AGBL1: variants seen among roughly 807,000 people sequenced by gnomAD.
AGBL1 encodes cytosolic carboxypeptidase 4.
Under a neutral mutation model 118.9 loss-of-function variants are expected in AGBL1, and 130 were observed. That is an observed-to-expected ratio of 1.09 (90% confidence interval 0.95 to 1.26). The LOEUF (loss-of-function observed/expected upper bound fraction) is 1.26. Ranked by LOEUF, AGBL1 falls within the 50% of genes most tolerant of loss-of-function variation. AGBL1 has a pLI of 0.00. For synonymous variants in AGBL1, 555 were observed against 478.9 expected (o/e 1.16, Z -2.08); for missense variants, 1,584 against 1,298.1 (o/e 1.22, Z -3.38).
chr15:86,750,845 G>A (rs965415684), intron 22 of AGBL1, among the ~76,000 whole-genome samples: 1 of 151,904 alleles, frequency 6.6e-6, no homozygotes, highest in African/African-American at 2.4e-5. Flanking sequence ...ATATGTTCAT[G>A]TGTTCTCATC....
intron 22 of AGBL1, among the ~76,000 whole-genome samples, chr15:86,767,712 A>T (rs1389624673): frequency 6.6e-6 from 1 of 151,998 alleles, no homozygotes; most frequent in Non-Finnish European, 1.5e-5. Context: ...TTTTTCTAAG[A>T]TCACACAGTT....
chr15:86,532,617 G>C lies in AGBL1; in HGVS notation c.2685+9678G>C, dbSNP rs370346494. 2.2e-4 allele frequency among the ~76,000 whole-genome samples: 32 copies of C among 147,372 alleles called. No individual in the cohort carries two copies. The East Asian group carries it at 5.7e-3, about 26-fold the overall frequency. On this transcript the variant is annotated intron_variant, in intron 19 of 22. Transcript: ENST00000614907. The stretch of plus-strand genomic sequence containing the variant: ...CAGAATTGGAAAAAACTACTTTAAA[G>C]TTCATATGGAACCAAAAAAGAGCCC...
At chr15:86,091,621 C>T (rs1223865849) in intron 1 of AGBL1, among the ~76,000 whole-genome samples, 2 of 152,094 alleles carry the variant, frequency 1.3e-5, no homozygotes, top group Admixed American at 6.6e-5. Flanking sequence ...GACACTTTTC[C>T]CAGATAGATA....
intron 5 of AGBL1, among the ~76,000 whole-genome samples, chr15:86,216,007 T>G (rs1190341367): frequency 1.3e-5 from 2 of 152,244 alleles, no homozygotes; most frequent in African/African-American, 2.4e-5. Context: ...GTACTCTTTT[T>G]GCTGCTAAGA....
intron 22 of AGBL1, among the ~76,000 whole-genome samples, chr15:86,690,627 GA>G (rs2086147844): frequency 6.6e-6 from 1 of 152,184 alleles, no homozygotes; most frequent in Non-Finnish European, 1.5e-5. Context: ...TGACAAAGGA[GA>G]GTAGGTTTTT....
intron 18 of AGBL1, among the ~76,000 whole-genome samples, chr15:86,410,667 T>C (rs1596080056): frequency 6.6e-6 from 1 of 150,696 alleles, no homozygotes; most frequent in East Asian, 2.0e-4. Flanking sequence ...ATCTATGTTC[T>C]TCTCAATGGT....
At chr15:86,421,353 C>G (rs1239939503) in intron 18 of AGBL1, among the ~76,000 whole-genome samples, 1 of 152,110 alleles carries the variant, frequency 6.6e-6, no homozygotes, top group African/African-American at 2.4e-5. Context: ...TCCAGCCAAA[C>G]TAAGATTCAT....
At chr15:86,468,015 T>C (rs1206769520) in intron 18 of AGBL1, among the ~76,000 whole-genome samples, 1 of 152,134 alleles carries the variant, frequency 6.6e-6, no homozygotes, top group Non-Finnish European at 1.5e-5. Flanking sequence ...ACTAGCATGT[T>C]TCTGCCCATT....
At chr15:86,869,861 T>G (rs1255355113) in intron 22 of AGBL1, among the ~76,000 whole-genome samples, 1 of 152,124 alleles carries the variant, frequency 6.6e-6, no homozygotes, top group Non-Finnish European at 1.5e-5. Flanking sequence ...TAAATTGAAT[T>G]CTCATTTTCC....
chr15:86,467,809 C>A lies in AGBL1; in HGVS notation c.2556-55001C>A, dbSNP rs147147975. 2.0e-3 allele frequency among the ~76,000 whole-genome samples: 297 copies of A among 152,278 alleles called. 2 individuals carry two copies. Among genetic ancestry groups the A allele is most frequent in the African/African-American group, 6.9e-3 (286 of 41,562 alleles). On this transcript the variant is annotated intron_variant, in intron 18 of 22. Transcript: ENST00000614907. ...CACCCTGCTTCTGCTCCATGGGTTG[C>A]ACCCACTGTCTAACCAGTTCCAGTG... is the stretch of plus-strand genomic sequence containing the variant.
intron 24 of AGBL1, among the ~76,000 whole-genome samples, chr15:86,997,088 T>G (rs192437329): frequency 1.2e-3 from 179 of 152,298 alleles, no homozygotes; most frequent in Middle Eastern, 6.8e-3. Flanking sequence ...TGTTTTGATC[T>G]GTATTTGTCC....
At chr15:86,808,540 T>C (rs942476357) in intron 22 of AGBL1, among the ~76,000 whole-genome samples, 4 of 152,016 alleles carry the variant, frequency 2.6e-5, no homozygotes, top group African/African-American at 9.7e-5. Context: ...GTTTTATAAA[T>C]TTTCTCTCCT....
At chr15:86,888,362 GAA>G (rs11290498) in intron 22 of AGBL1, among the ~76,000 whole-genome samples, 43 of 127,192 alleles carry the variant, frequency 3.4e-4, no homozygotes, top group Admixed American at 2.2e-3. Flanking sequence ...CTCTTCAAAA[GAA>G]AAAAAAAAAA....
chr15:86,617,347 A>C lies in AGBL1; in HGVS notation c.2995-56926A>C, dbSNP rs375278255. Reference sequence around the variant, plus strand: ...TTCTGCTGTAAGGACTAGACACATGAGATTGGAAAGAACTGCCCAAACTGG... The same window carrying C: ...TTCTGCTGTAAGGACTAGACACATGCGATTGGAAAGAACTGCCCAAACTGG... On this transcript the variant is annotated intron_variant, in intron 21 of 22. Transcript: ENST00000614907. Among the ~76,000 whole-genome samples, 303 of 152,302 alleles carry C rather than the reference A, an allele frequency of 2.0e-3. 1 individual carries two copies. Among genetic ancestry groups the C allele is most frequent in the African/African-American group, 7.0e-3 (293 of 41,572 alleles).
At chr15:86,528,182 T>C (rs1388455992) in intron 19 of AGBL1, among the ~76,000 whole-genome samples, 1 of 152,146 alleles carries the variant, frequency 6.6e-6, no homozygotes, top group African/African-American at 2.4e-5. Context: ...ATTTCTGCAT[T>C]TCCATCTGAG....
chr15:86,856,247 G>GT (rs2079477833), intron 22 of AGBL1, among the ~76,000 whole-genome samples: 1 of 152,174 alleles, frequency 6.6e-6, no homozygotes, highest in South Asian at 2.1e-4. Flanking sequence ...TTATCTGTGA[G>GT]TTTTTTGAAG....
intron 22 of AGBL1, among the ~76,000 whole-genome samples, chr15:86,802,473 A>G (rs1446126132): frequency 6.6e-6 from 1 of 152,154 alleles, no homozygotes; most frequent in Admixed American, 6.6e-5. Context: ...CTCAAATCAC[A>G]AAGTAGAACC....
At chr15:86,117,964 C>T (rs888232549) in intron 1 of AGBL1, among the ~76,000 whole-genome samples, 2 of 152,296 alleles carry the variant, frequency 1.3e-5, no homozygotes, top group Admixed American at 6.5e-5. Flanking sequence ...ACTTGCTCTG[C>T]GGATCTTAGT....
Position 86,247,537 on chromosome 15 carries a change from C to A in AGBL1, c.527-134C>A. Reference sequence around the variant, plus strand: ...ATCACTTGGTTTAAGGTGACATCTGCCAGTTTTCATACTAAAATGTTATTA... The same window carrying A: ...ATCACTTGGTTTAAGGTGACATCTGACAGTTTTCATACTAAAATGTTATTA... On this transcript the variant is annotated intron_variant, in intron 6 of 22. Coordinates refer to ENST00000614907, the MANE Select transcript of AGBL1 (RefSeq NM_001386094.1). 1.7e-5 allele frequency: 17 copies of A among 994,944 alleles called. 2 individuals carry two copies. The South Asian group carries it at 2.4e-4, about 14-fold the overall frequency. The allele number at this position is 994,944 out of a possible 1,614,324, so 61.6% of individuals were successfully genotyped here. A position where few individuals can be genotyped will look rare whatever the true frequency, so the allele number is the denominator to read the frequency against.
Sources: allele counts gnomAD v4.1 joint callset (sites outside exome capture counted in the v4.1 genomes callset), GRCh38; gene constraint gnomAD v4.1.1; transcripts MANE v1.5; gene names NCBI Gene and HGNC (gene_info 2026-07-23, HGNC 2026-07-21).